The following PTPRG variants were observed in gnomAD, a reference collection of about 807,000 sequenced individuals.
PTPRG encodes protein tyrosine phosphatase receptor type G.
In PTPRG, 102 loss-of-function variants were observed where a neutral mutation model predicts 165.3. The observed-to-expected ratio is 0.62, with a 90% CI of 0.53 to 0.73. The LOEUF is 0.73. PTPRG is among the 30% of genes least tolerant of loss of function. The probability of loss-of-function intolerance (pLI) is 0.00; values close to 1 mark genes in which losing one functional copy is unlikely to be tolerated. For missense variants in PTPRG, 1,866 were observed against 1,861.4 expected (o/e 1.00, Z -0.05); for synonymous variants, 675 against 669.5 (o/e 1.01, Z -0.13).
At chr3:61,801,404 G>A (rs1191935909) in intron 2 of PTPRG, among the ~76,000 whole-genome samples, 2 of 151,592 alleles carry the variant, frequency 1.3e-5, no homozygotes, top group East Asian at 3.9e-4. Flanking sequence ...AACCTCTAGG[G>A]CTCAAGTAAT....
At chr3:62,153,226 C>G (rs1168583726) in intron 6 of PTPRG, among the ~76,000 whole-genome samples, 2 of 152,320 alleles carry the variant, frequency 1.3e-5, no homozygotes, top group African/African-American at 4.8e-5. Flanking sequence ...CAGCCTGTAC[C>G]TCATCTGGGC....
intron 28 of PTPRG, among the ~76,000 whole-genome samples, chr3:62,284,431 T>C (rs1180881047): frequency 6.6e-6 from 1 of 152,068 alleles, no homozygotes; most frequent in Non-Finnish European, 1.5e-5. Context: ...CCTAAACCAG[T>C]AGATCTGCAA....
chr3:61,746,015 T>A (rs763025123), intron 1 of PTPRG, among the ~76,000 whole-genome samples: 1 of 151,184 alleles, frequency 6.6e-6, no homozygotes, highest in African/African-American at 2.4e-5. Flanking sequence ...TATTTTATTT[T>A]AGTTATTTTA....
chr3:62,101,846 TACCAATTTGC>T (rs1292251005), intron 5 of PTPRG, among the ~76,000 whole-genome samples: 1 of 152,238 alleles, frequency 6.6e-6, no homozygotes, highest in Non-Finnish European at 1.5e-5. Context: ...AAAACAGTTG[TACCAATTTGC>T]ACTCCCATCA....
At chr3:61,948,627 G>C (rs965611821) in intron 2 of PTPRG, among the ~76,000 whole-genome samples, 2 of 152,116 alleles carry the variant, frequency 1.3e-5, no homozygotes, top group Non-Finnish European at 2.9e-5. Flanking sequence ...AAGTAATCTA[G>C]GGAACAGGAG....
chr3:61,806,062 A>T (rs1256029690), intron 2 of PTPRG, among the ~76,000 whole-genome samples: 1 of 152,184 alleles, frequency 6.6e-6, no homozygotes, highest in East Asian at 1.9e-4. Flanking sequence ...AAGTTCTGGA[A>T]CAGGCCCTTT....
chr3:62,082,854 A>G (rs1508409), intron 5 of PTPRG, among the ~76,000 whole-genome samples: 8,309 of 152,216 alleles, frequency 0.055, 753 homozygotes, highest in African/African-American at 0.19. Context: ...CTCCCTTCGT[A>G]GCCACTGGTT....
chr3:61,927,010 C>A (rs964800474), intron 2 of PTPRG, among the ~76,000 whole-genome samples: 1 of 152,132 alleles, frequency 6.6e-6, no homozygotes, highest in African/African-American at 2.4e-5. Context: ...TTTTGAAAAT[C>A]ATTTGCCATC....
chr3:62,132,674 T>G lies in PTPRG; in HGVS notation c.682+6T>G. 1 of 1,600,378 alleles carries G rather than the reference T, an allele frequency of 6.2e-7. No homozygotes were observed. Among genetic ancestry groups the G allele is most frequent in the Non-Finnish European group, 8.6e-7 (1 of 1,167,514 alleles). On this transcript the variant is annotated splice_donor_region_variant and intron_variant, in intron 6 of 29. Coordinates refer to ENST00000474889, the MANE Select transcript of PTPRG (RefSeq NM_002841.4). ...GAAGGGTGTCGTACATCATGGTAAG[T>G]ATGCCACATACACTTCCTTTTGCTG...
Position 62,021,857 on chromosome 3 carries a change from C to CTTTTTTT in PTPRG, c.519+18373_519+18379dup, listed in dbSNP as rs398062374. On this transcript the variant is annotated intron_variant, in intron 4 of 29. Coordinates refer to ENST00000474889, the MANE Select transcript of PTPRG (RefSeq NM_002841.4). ...TGGCCATATAGGTCTTTTTCCTTTT[C>CTTTTTTT]TTTTTTTTTTTTTTTTTTTGCATTC... 8.4e-4 allele frequency among the ~76,000 whole-genome samples: 82 copies of CTTTTTTT among 97,046 alleles called. 1 individual carries two copies. The highest frequency in any genetic ancestry group is 1.8e-3 in the East Asian group (6 of 3,324). 63.7% of individuals were successfully genotyped at this position (97,046 alleles called of 152,430 possible).
intron 2 of PTPRG, among the ~76,000 whole-genome samples, chr3:61,957,255 G>A (rs925722436): frequency 2.6e-5 from 4 of 152,184 alleles, no homozygotes; most frequent in Admixed American, 6.5e-5. Context: ...ATTATTTGAC[G>A]AAGGTAGTGC....
intron 1 of PTPRG, among the ~76,000 whole-genome samples, chr3:61,720,116 A>G (rs2031986196): frequency 6.6e-6 from 1 of 151,694 alleles, no homozygotes; most frequent in Non-Finnish European, 1.5e-5. Flanking sequence ...CATGATGACA[A>G]GGGAATTTTT....
intron 2 of PTPRG, among the ~76,000 whole-genome samples, chr3:61,899,966 T>C: frequency 6.6e-6 from 1 of 152,232 alleles, no homozygotes; most frequent in East Asian, 1.9e-4. Flanking sequence ...TACATCGTTG[T>C]GAAGAATTAC....
chr3:62,066,205 G>A (rs909359115), intron 4 of PTPRG, among the ~76,000 whole-genome samples: 2 of 152,180 alleles, frequency 1.3e-5, no homozygotes, highest in African/African-American at 2.4e-5. Context: ...ACATGACGAG[G>A]TGGAAAATAC....
chr3:62,104,765 G>C (rs1250160410), intron 5 of PTPRG, among the ~76,000 whole-genome samples: 1 of 152,036 alleles, frequency 6.6e-6, no homozygotes, highest in African/African-American at 2.4e-5. Flanking sequence ...ACTACTAGCG[G>C]GAACAAAAGC....
chr3:61,784,842 G>A (rs985607497), intron 2 of PTPRG, among the ~76,000 whole-genome samples: 3 of 152,120 alleles, frequency 2.0e-5, no homozygotes, highest in East Asian at 1.9e-4. Context: ...TTACCTCTCC[G>A]TCTGTAATTT....
intron 6 of PTPRG, among the ~76,000 whole-genome samples, chr3:62,144,047 T>C (rs1451926236): frequency 6.6e-6 from 1 of 152,222 alleles, no homozygotes; most frequent in South Asian, 2.1e-4. Context: ...CTTTTGTAAA[T>C]AAAGTTTCAT....
intron 5 of PTPRG, among the ~76,000 whole-genome samples, chr3:62,084,516 C>A (rs1001969508): frequency 1.3e-5 from 2 of 152,146 alleles, no homozygotes; most frequent in African/African-American, 4.8e-5. Flanking sequence ...TTGCAAGTTG[C>A]GAACCCATTC....
intron 5 of PTPRG, among the ~76,000 whole-genome samples, chr3:62,082,693 G>A (rs920505720): frequency 3.3e-5 from 5 of 152,142 alleles, no homozygotes; most frequent in Admixed American, 6.5e-5. Flanking sequence ...TTTTGGTAAC[G>A]GATAAGAGTT....
Sources: allele counts gnomAD v4.1 joint callset (sites outside exome capture counted in the v4.1 genomes callset), GRCh38; gene constraint gnomAD v4.1.1; transcripts MANE v1.5; gene names NCBI Gene and HGNC (gene_info 2026-07-23, HGNC 2026-07-21).